PDAP1: variants seen among roughly 807,000 people sequenced by gnomAD.
The protein encoded by PDAP1 is 28 kDa heat- and acid-stable phosphoprotein.
Under a neutral mutation model 28.0 loss-of-function variants are expected in PDAP1, and 13 were observed. The ratio of observed to expected loss-of-function variants is 0.46; its 90% CI spans 0.30 to 0.74. The LOEUF is 0.74. Among genes scored for constraint, PDAP1 ranks in the 30% least tolerant of loss-of-function variants. The pLI, the probability that PDAP1 is intolerant of heterozygous loss-of-function variation, is 0.07. For missense variants in PDAP1, 150 were observed against 230.0 expected (o/e 0.65, Z 2.25); for synonymous variants, 77 against 85.1 (o/e 0.91, Z 0.52).
intron 5 of PDAP1, 128 bp downstream of exon 5, chr7:99,397,734 G>T (rs1217537117): frequency 1.7e-6 from 2 of 1,159,808 alleles, no homozygotes; most frequent in African/African-American, 1.5e-5. Flanking sequence ...TCTCCTGAAC[G>T]ACCTCCTAGG....
chr7:99,398,759 T>C (rs1027327088), intron 4 of PDAP1, among the ~76,000 whole-genome samples: 1 of 152,110 alleles, frequency 6.6e-6, no homozygotes, highest in African/African-American at 2.4e-5. Context: ...CCACAGGGCA[T>C]AGGATGAGGA....
At chr7:99,402,893 A>AAG (rs1554352125) in intron 3 of PDAP1, among the ~76,000 whole-genome samples, 1 of 127,460 alleles carries the variant, frequency 7.8e-6, no homozygotes, top group African/African-American at 4.4e-5. Context: ...AAAAAAAAAA[A>AAG]AAAGAAAAGA....
chr7:99,405,428 C>T (rs1303346257), intron 1 of PDAP1, among the ~76,000 whole-genome samples: 2 of 148,792 alleles, frequency 1.3e-5, no homozygotes, highest in Admixed American at 6.7e-5. Flanking sequence ...GGCGCAATCT[C>T]GGCTCACCGC....
At chr7:99,408,481 A>G (rs1176155740) in intron 1 of PDAP1, 55 bp downstream of exon 1, 8 of 1,339,408 alleles carry the variant, frequency 6.0e-6, no homozygotes, top group Admixed American at 7.0e-5. Context: ...GGACAGCGGA[A>G]GCCGGACCTG....
chr7:99,394,995 C>A lies in PDAP1; in HGVS notation c.*1687G>T. ...TAGATAGCTTATTTTTACTGCTTGCCAACAAAATTGATCCTGAAGCCCAAC... is the reference window on the plus strand; with the variant it reads ...TAGATAGCTTATTTTTACTGCTTGCAAACAAAATTGATCCTGAAGCCCAAC... On this transcript the variant is annotated 3_prime_UTR_variant, in exon 6 of 6. Coordinates refer to ENST00000350498, the MANE Select transcript of PDAP1 (RefSeq NM_014891.7). The A allele has an allele frequency of 3.4e-6, 1 of 292,760 alleles. No individual in the cohort carries two copies. The highest frequency in any genetic ancestry group is 5.5e-6 in the Non-Finnish European group (1 of 180,728). 18.1% of individuals were successfully genotyped at this position (292,760 alleles called of 1,614,324 possible).
At position 99,396,236 on chromosome 7, in the gene PDAP1, AGAT is replaced by A. The variant is rs1794756176; in HGVS notation, c.*443_*445del. The A allele has an allele frequency of 2.9e-5, 7 of 241,178 alleles. No homozygotes were observed. Among genetic ancestry groups the A allele is most frequent in the South Asian group, 2.9e-4 (7 of 24,500 alleles). The allele number at this position is 241,178 out of a possible 1,614,324, so 14.9% of individuals were successfully genotyped here. A position where few individuals can be genotyped will look rare whatever the true frequency, so the allele number is the denominator to read the frequency against. ...CGAGGACCCAGGGGCACAGGCTCCC[AGAT>A]GATAGCCCCTCTCTGAATGAGCACC... On this transcript the variant is annotated 3_prime_UTR_variant, in exon 6 of 6. Coordinates refer to ENST00000350498, the MANE Select transcript of PDAP1 (RefSeq NM_014891.7).
intron 3 of PDAP1, among the ~76,000 whole-genome samples, chr7:99,400,937 G>A (rs1429665863): frequency 6.6e-6 from 1 of 152,114 alleles, no homozygotes; most frequent in Non-Finnish European, 1.5e-5. Flanking sequence ...GGTTTGGGAC[G>A]CTGGCCCAAA....
chr7:99,396,800 C>T, intron 5 of PDAP1, 60 bp from the exon 6 acceptor site: 1 of 1,341,730 alleles, frequency 7.5e-7, no homozygotes, highest in South Asian at 1.2e-5. Flanking sequence ...CCTCCCAACA[C>T]ACGTGCCAGA....
At chr7:99,405,376 T>C (rs979625005) in intron 1 of PDAP1, among the ~76,000 whole-genome samples, 12 of 150,166 alleles carry the variant, frequency 8.0e-5, no homozygotes, top group African/African-American at 3.0e-4. Context: ...TTTTTTTTTT[T>C]TGAGACGGAG....
rs778354553 is a variant in PDAP1 at position 99,396,729 on chromosome 7, C to A, written c.499G>T (p.Ala167Ser). ...TGCATTCGTTTTCCTGACAATGTGG[C>A]ATCGTCTTTTGCTGAGGGGTGGGAG... ...KEEERKAKDD[A>S]TLSGKRMQSL... Residue 167 changes from alanine to serine, a missense_variant, in exon 6 of 6, where the codon GCC (alanine) becomes TCC (serine). Transcript: ENST00000350498. The A allele has an allele frequency of 6.8e-6, 11 of 1,611,550 alleles. No individual in the cohort carries two copies. The Admixed American group carries it at 1.0e-4, about 15-fold the overall frequency.
intron 3 of PDAP1, among the ~76,000 whole-genome samples, chr7:99,401,916 C>T (rs1161820203): frequency 1.3e-5 from 2 of 151,772 alleles, no homozygotes; most frequent in African/African-American, 4.8e-5. Context: ...AGGATGGTCT[C>T]GATCTCCTGA....
intron 1 of PDAP1, among the ~76,000 whole-genome samples, chr7:99,406,836 G>T (rs10275381): frequency 0.19 from 28,560 of 152,152 alleles, 5,259 homozygotes; most frequent in African/African-American, 0.48. Flanking sequence ...CCATAATTGG[G>T]CTGCTAAAGA....
intron 1 of PDAP1, 46 bp downstream of exon 1, chr7:99,408,490 T>C: frequency 7.4e-7 from 1 of 1,344,318 alleles, no homozygotes; most frequent in Non-Finnish European, 9.6e-7. Flanking sequence ...AAGCCGGACC[T>C]GGGCCGCCCC....
chr7:99,397,629 G>A (rs1352644502), intron 5 of PDAP1, among the ~76,000 whole-genome samples: 1 of 152,266 alleles, frequency 6.6e-6, no homozygotes, highest in Non-Finnish European at 1.5e-5. Flanking sequence ...TACTGTGGAC[G>A]GTGCTCTGCT....
Position 99,408,534 on chromosome 7 carries a change from A to T in PDAP1, c.13+2T>A. On this transcript the variant is annotated splice_donor_variant, in intron 1 of 5. Coordinates refer to ENST00000350498, the MANE Select transcript of PDAP1 (RefSeq NM_014891.7). LOFTEE classifies it high-confidence loss of function. The stretch of plus-strand genomic sequence containing the variant: ...TGCGGGCCACCGGCGCCCGCCCCTC[A>T]CCTCCTTTAGGCATTGCGGCTCCGG... 7.6e-7 allele frequency: 1 copy of T among 1,309,558 alleles called. No homozygotes were observed. 81.1% of individuals were successfully genotyped at this position (1,309,558 alleles called of 1,614,324 possible).
At chr7:99,398,901 G>C (rs576586114) in intron 4 of PDAP1, among the ~76,000 whole-genome samples, 2 of 152,294 alleles carry the variant, frequency 1.3e-5, no homozygotes, top group East Asian at 3.9e-4. Flanking sequence ...AATAATTGCT[G>C]GGCTCCCATG....
intron 1 of PDAP1, among the ~76,000 whole-genome samples, chr7:99,408,107 A>G (rs1795019358): frequency 6.6e-6 from 1 of 152,168 alleles, no homozygotes; most frequent in Admixed American, 6.6e-5. Context: ...GCTCATGGGC[A>G]TCTCCTTAAG....
chr7:99,401,954 C>G (rs1376870290), intron 3 of PDAP1, among the ~76,000 whole-genome samples: 2 of 151,966 alleles, frequency 1.3e-5, no homozygotes, highest in African/African-American at 4.8e-5. Context: ...CTTGGCTTCC[C>G]AAAGTAAAAT....
chr7:99,401,264 C>T (rs898982149), intron 3 of PDAP1, among the ~76,000 whole-genome samples: 2 of 152,196 alleles, frequency 1.3e-5, no homozygotes, highest in Non-Finnish European at 2.9e-5. Context: ...CTTCAGCAAC[C>T]CCCAAATACA....
Sources: gnomAD v4.1 joint callset for allele counts (sites outside exome capture counted in the v4.1 genomes callset) on GRCh38, gnomAD v4.1.1 for gene constraint, MANE v1.5 for transcripts, NCBI Gene and HGNC (gene_info 2026-07-23, HGNC 2026-07-21) for gene names.